TMEM98: variants seen among roughly 807,000 people sequenced by gnomAD.
TMEM98 encodes the protein transmembrane protein 98.
TMEM98 carries 18 observed loss-of-function variants against 25.0 expected under a neutral mutation model. The ratio of observed to expected loss-of-function variants is 0.72; its 90% CI spans 0.50 to 1.07. The LOEUF (loss-of-function observed/expected upper bound fraction) is 1.07. TMEM98 is among the 50% of genes least tolerant of loss of function. The pLI is 0.00. For synonymous variants in TMEM98, 103 were observed against 112.4 expected (o/e 0.92, Z 0.53); for missense variants, 241 against 289.0 (o/e 0.83, Z 1.20).
intron 5 of TMEM98, among the ~76,000 whole-genome samples, chr17:32,935,535 CTT>C (rs1440199906): frequency 6.6e-6 from 1 of 152,062 alleles, no homozygotes; most frequent in African/African-American, 2.4e-5. Context: ...TCTTAAGACT[CTT>C]TTGCTAGGTC....
chr17:32,932,914 C>T (rs1464747304), intron 3 of TMEM98, among the ~76,000 whole-genome samples: 16 of 152,210 alleles, frequency 1.1e-4, no homozygotes, highest in Non-Finnish European at 1.5e-5. Context: ...CCTACTCTTT[C>T]TCTTGGTAGC....
chr17:32,928,610 TTCA>T, intron 1 of TMEM98, among the ~76,000 whole-genome samples: 1 of 151,850 alleles, frequency 6.6e-6, no homozygotes, highest in South Asian at 2.1e-4. Context: ...AAACTTACTC[TTCA>T]GTACGCAGGG....
At position 32,942,800 on chromosome 17, in the gene TMEM98, A is replaced by G. The variant is rs926125632; in HGVS notation, c.*1807A>G. 1.3e-5 allele frequency: 2 copies of G among 152,136 alleles called. No homozygotes were observed. The highest frequency in any genetic ancestry group is 2.9e-5 in the Non-Finnish European group (2 of 68,014). 9.4% of individuals were successfully genotyped at this position (152,136 alleles called of 1,614,324 possible). A position where few individuals can be genotyped will look rare whatever the true frequency, so the allele number is the denominator to read the frequency against. ...TATACAAAGTCACTTTGACTTTTCT[A>G]TTTGAGGCCTCCACAGTAAACATCC... On this transcript the variant is annotated 3_prime_UTR_variant, in exon 8 of 8. Coordinates refer to ENST00000579849, the MANE Select transcript of TMEM98 (RefSeq NM_015544.3).
rs2091485106 is a variant in TMEM98 at position 32,934,405 on chromosome 17, A to T, written c.297+81A>T. 3 of 1,532,960 alleles carry T rather than the reference A, an allele frequency of 2.0e-6. No individual in the cohort carries two copies. The Admixed American group carries it at 5.1e-5, about 26-fold the overall frequency. The allele number at this position is 1,532,960 out of a possible 1,614,324, so 95.0% of individuals were successfully genotyped here. A position where few individuals can be genotyped will look rare whatever the true frequency, so the allele number is the denominator to read the frequency against. ...CGTGGATGGAGTAGAACGGGACCTTAGAAAGGGCACTGACCTCTCGCAAGA... is the reference window on the plus strand; with the variant it reads ...CGTGGATGGAGTAGAACGGGACCTTTGAAAGGGCACTGACCTCTCGCAAGA... On this transcript the variant is annotated intron_variant, in intron 5 of 7. Transcript: ENST00000579849.
chr17:32,939,578 GGTCCACAACC>G, intron 7 of TMEM98, 42 bp downstream of exon 7: 1 of 1,610,800 alleles, frequency 6.2e-7, no homozygotes, highest in Non-Finnish European at 8.5e-7. Context: ...TTCATGCAGA[GGTCCACAACC>G]GTTTTATCAG....
At chr17:32,928,789 ACACT>A (rs1248264014) in intron 1 of TMEM98, among the ~76,000 whole-genome samples, 2 of 147,274 alleles carry the variant, frequency 1.4e-5, no homozygotes, top group Admixed American at 6.7e-5. Context: ...CAGTTCACAC[ACACT>A]CAGAAACACA....
At chr17:32,928,715 C>G (rs1000648639) in intron 1 of TMEM98, among the ~76,000 whole-genome samples, 1 of 151,938 alleles carries the variant, frequency 6.6e-6, no homozygotes, top group African/African-American at 2.4e-5. Flanking sequence ...TCAGCTCACA[C>G]GCACTGAGAA....
rs1189543541 is a variant in TMEM98, at chr17:32,936,348, C to G, written c.314C>G (p.Thr105Arg). 2 of 1,614,022 alleles carry G rather than the reference C, an allele frequency of 1.2e-6. No individual in the cohort carries two copies. Among genetic ancestry groups the G allele is most frequent in the Non-Finnish European group, 1.7e-6 (2 of 1,180,012 alleles). The change falls in exon 6 of 8, where the codon ACA (threonine) becomes AGA (arginine). Residue 105 changes from threonine (T) to arginine (R), a missense_variant. Thr to Arg is a moderately conservative substitution (Grantham distance 71). Coordinates refer to ENST00000579849, the MANE Select transcript of TMEM98 (RefSeq NM_015544.3). The stretch of plus-strand genomic sequence containing the variant: ...CCGCATTAGATTTGTCACACTCTGA[C>G]AGAGAAGCTTGTTGCCATGACAATG... ...IAILKICHTLTEKLVAMTMGS... is the reference protein window; with the variant it reads ...IAILKICHTLREKLVAMTMGS...
Position 32,942,445 on chromosome 17 carries a change from A to C in TMEM98, c.*1452A>C, listed in dbSNP as rs1161836449. ...CATGTCATTTTCTCTGTCTAACTGA[A>C]GTCAGAAAATTCCTCAGCTGGATTC... On this transcript the variant is annotated 3_prime_UTR_variant, in exon 8 of 8. Transcript: ENST00000579849. 1 of 152,232 alleles carries C rather than the reference A, an allele frequency of 6.6e-6. No individual in the cohort carries two copies. The highest frequency in any genetic ancestry group is 1.9e-4 in the East Asian group (1 of 5,196). 9.4% of individuals were successfully genotyped at this position (152,232 alleles called of 1,614,324 possible). A position where few individuals can be genotyped will look rare whatever the true frequency, so the allele number is the denominator to read the frequency against.
Position 32,942,091 on chromosome 17 carries a change from G to A in TMEM98, c.*1098G>A, listed in dbSNP as rs1275649719. The A allele has an allele frequency of 1.3e-5, 2 of 152,298 alleles. No individual in the cohort carries two copies. Among genetic ancestry groups the A allele is most frequent in the East Asian group, 3.9e-4 (2 of 5,188 alleles). The allele number at this position is 152,298 out of a possible 1,614,324, so 9.4% of individuals were successfully genotyped here. On this transcript the variant is annotated 3_prime_UTR_variant, in exon 8 of 8. Transcript: ENST00000579849. ...TATTTAAAGACCTCTTGGAGTTCAG[G>A]CAGAAGTGAAGATAGCACTATGAAG... is the stretch of plus-strand genomic sequence containing the variant.
intron 6 of TMEM98, among the ~76,000 whole-genome samples, chr17:32,936,736 C>T (rs1199224551): frequency 6.6e-6 from 1 of 152,204 alleles, no homozygotes; most frequent in African/African-American, 2.4e-5. Context: ...CCTGCAGAGC[C>T]CGTGGCCGCC....
At chr17:32,931,266 T>C (rs1055104558) in intron 1 of TMEM98, 61 bp from the exon 2 acceptor site, 1 of 394,694 alleles carries the variant, frequency 2.5e-6, no homozygotes, top group Non-Finnish European at 4.5e-6. Flanking sequence ...GAGCAAATTC[T>C]TCTGAGAAAG....
At chr17:32,939,291 C>T (rs2726135) in intron 6 of TMEM98, among the ~76,000 whole-genome samples, 186 bp from the exon 7 acceptor site, 15,920 of 152,140 alleles carry the variant, frequency 0.1, 931 homozygotes, top group Middle Eastern at 0.19. Flanking sequence ...CCTGTAATCC[C>T]AGCTACTTGG....
At chr17:32,935,101 C>T (rs1335377261) in intron 5 of TMEM98, among the ~76,000 whole-genome samples, 1 of 151,950 alleles carries the variant, frequency 6.6e-6, no homozygotes, top group Non-Finnish European at 1.5e-5. Context: ...ACAACTTTGT[C>T]TTTTCTTTAG....
chr17:32,939,210 T>C (rs1023304359), intron 6 of TMEM98, among the ~76,000 whole-genome samples: 7 of 152,042 alleles, frequency 4.6e-5, no homozygotes, highest in African/African-American at 1.4e-4. Context: ...AGTTCAAGGC[T>C]AGCCTGGCCA....
At position 32,943,701 on chromosome 17, in the gene TMEM98, G is replaced by A. The variant is rs9896361; in HGVS notation, c.*2708G>A. 13,501 of 152,156 alleles carry A rather than the reference G, an allele frequency of 0.089. 676 individuals are homozygous for A. The highest frequency in any genetic ancestry group is 0.094 in the Non-Finnish European group (6,394 of 68,014). The allele number at this position is 152,156 out of a possible 1,614,324, so 9.4% of individuals were successfully genotyped here. ...GGTCCTTAGCATTCTCATCTGTATG[G>A]TCAAGGCTATTGTCATTGGGTTGGT... On this transcript the variant is annotated 3_prime_UTR_variant, in exon 8 of 8. Transcript: ENST00000579849.
chr17:32,930,636 G>GT (rs1263151939), intron 1 of TMEM98, among the ~76,000 whole-genome samples: 1 of 152,194 alleles, frequency 6.6e-6, no homozygotes, highest in Non-Finnish European at 1.5e-5. Context: ...CCATCTCAGT[G>GT]TAAGTGGATG....
chr17:32,938,200 T>A (rs1280503981), intron 6 of TMEM98, among the ~76,000 whole-genome samples: 2 of 152,214 alleles, frequency 1.3e-5, no homozygotes, highest in Non-Finnish European at 2.9e-5. Flanking sequence ...TCCTGCTTTG[T>A]CCTTTTGCCC....
At chr17:32,940,707 A>G in intron 7 of TMEM98, 79 bp from the exon 8 acceptor site, 2 of 1,401,274 alleles carry the variant, frequency 1.4e-6, no homozygotes, top group South Asian at 2.7e-5. Flanking sequence ...ATACTAGTCA[A>G]AAAGTCTATC....
Sources: allele counts gnomAD v4.1 joint callset (sites outside exome capture counted in the v4.1 genomes callset), GRCh38; gene constraint gnomAD v4.1.1; transcripts MANE v1.5; gene names NCBI Gene and HGNC (gene_info 2026-07-23, HGNC 2026-07-21).